AK5: variants seen among roughly 807,000 people sequenced by gnomAD.
AK5 encodes the protein adenylate kinase 5, also known as adenylate kinase isoenzyme 5.
AK5 carries 27 observed loss-of-function variants against 69.5 expected under a neutral mutation model. The observed-to-expected ratio is 0.39, with a 90% CI of 0.29 to 0.54. The LOEUF is 0.54. Ranked by LOEUF, AK5 falls within the 20% of genes least tolerant of loss-of-function variation. AK5 has a pLI of 0.71. For synonymous variants in AK5, 260 were observed against 244.4 expected, an observed-to-expected ratio of 1.06 and a Z score of -0.60; for missense variants, 531 against 700.4, an observed-to-expected ratio of 0.76 and a Z score of 2.73.
chr1:77,551,560 G>A (rs1659823779), intron 13 of AK5, among the ~76,000 whole-genome samples: 2 of 152,238 alleles, frequency 1.3e-5, no homozygotes, highest in South Asian at 4.1e-4. Flanking sequence ...TGGAAATAGA[G>A]GTGGGCAATG....
At chr1:77,542,814 C>A (rs116202774) in intron 13 of AK5, among the ~76,000 whole-genome samples, 1,792 of 152,108 alleles carry the variant, frequency 0.012, 20 homozygotes, top group Non-Finnish European at 0.017. Flanking sequence ...ACATTTTGTT[C>A]ATGGCATAAT....
rs1649452222 is a variant in AK5, at chr1:77,404,130, A to T, written c.892-6851A>T. Among the ~76,000 whole-genome samples the T allele has an allele frequency of 2.6e-5, 4 of 152,184 alleles. No individual in the cohort carries two copies. In the South Asian group the frequency reaches 8.3e-4, roughly 31 times the overall value. ...TTATTGGTGTATAAGAATGCTTGTGATTTAAAACATCACTATTTCAATTTC... is the reference window on the plus strand; with the variant it reads ...TTATTGGTGTATAAGAATGCTTGTGTTTTAAAACATCACTATTTCAATTTC... On this transcript the variant is annotated intron_variant, in intron 6 of 13. Transcript: ENST00000354567.
intron 6 of AK5, among the ~76,000 whole-genome samples, chr1:77,383,685 A>G (rs896046303): frequency 6.6e-6 from 1 of 152,182 alleles, no homozygotes; most frequent in Non-Finnish European, 1.5e-5. Flanking sequence ...AAGTTACTAC[A>G]ATTCCAATTA....
chr1:77,550,069 T>C (rs1211594486), intron 13 of AK5, among the ~76,000 whole-genome samples: 1 of 152,140 alleles, frequency 6.6e-6, no homozygotes. Flanking sequence ...CAAGCCATCG[T>C]TCACCTCAGC....
Position 77,412,206 on chromosome 1 carries a change from G to C in AK5, c.982+1135G>C, listed in dbSNP as rs946370643. Among the ~76,000 whole-genome samples, 8 of 152,270 alleles carry C rather than the reference G, an allele frequency of 5.3e-5. No homozygotes were observed. In the East Asian group the frequency reaches 1.5e-3, roughly 29 times the overall value. ...CCCAGCACTTCGTGGCTCCCTAGCG[G>C]TGTTTCTCCACTAGGGAGCCTTGTG... On this transcript the variant is annotated intron_variant, in intron 7 of 13. Coordinates refer to ENST00000354567, the MANE Select transcript of AK5 (RefSeq NM_174858.3).
At chr1:77,496,940 C>T (rs1656350924) in intron 10 of AK5, among the ~76,000 whole-genome samples, 1 of 152,216 alleles carries the variant, frequency 6.6e-6, no homozygotes, top group African/African-American at 2.4e-5. Flanking sequence ...ATGGACCAAT[C>T]AGCAGGATGT....
intron 6 of AK5, among the ~76,000 whole-genome samples, chr1:77,388,536 T>C (rs1392066878): frequency 6.6e-6 from 1 of 151,232 alleles, no homozygotes; most frequent in Non-Finnish European, 1.5e-5. Context: ...CCCAAAGCCA[T>C]GTAAAAGAAC....
In AK5 at chr1:77,411,920, G is replaced by A. The variant is rs80108603; in HGVS notation, c.982+849G>A. Among the ~76,000 whole-genome samples, 121 of 152,306 alleles carry A rather than the reference G, an allele frequency of 7.9e-4. 2 individuals are homozygous for A. The East Asian group carries it at 0.014, about 17-fold the overall frequency. ...ACAGATAACCGATGTAAACTCATCT[G>A]CCTAACTTTCTGATGAGATTTATAA... On this transcript the variant is annotated intron_variant, in intron 7 of 13. Coordinates refer to ENST00000354567, the MANE Select transcript of AK5 (RefSeq NM_174858.3).
At chr1:77,435,695 A>G (rs1339187523) in intron 8 of AK5, among the ~76,000 whole-genome samples, 1 of 152,030 alleles carries the variant, frequency 6.6e-6, no homozygotes. Flanking sequence ...GAAATTTTAC[A>G]GAATTAAAAA....
chr1:77,341,259 G>A (rs999677716), intron 6 of AK5, among the ~76,000 whole-genome samples: 1 of 152,182 alleles, frequency 6.6e-6, no homozygotes, highest in Non-Finnish European at 1.5e-5. Context: ...CTAAATTTAT[G>A]ATAATCACAG....
In AK5 at chr1:77,340,725, C is replaced by G. The variant is rs886265939; in HGVS notation, c.891+157C>G. On this transcript the variant is annotated intron_variant, in intron 6 of 13. Transcript: ENST00000354567. ...AAATGTATCATTTTGACCTGATTTGCCTTTTTAAGCCATCATGTTTTTTTA... is the reference window on the plus strand; with the variant it reads ...AAATGTATCATTTTGACCTGATTTGGCTTTTTAAGCCATCATGTTTTTTTA... The G allele has an allele frequency of 1.1e-5, 5 of 460,430 alleles. No homozygotes were observed. The Admixed American group carries it at 1.3e-4, about 12-fold the overall frequency. 28.5% of individuals were successfully genotyped at this position (460,430 alleles called of 1,614,324 possible). A position where few individuals can be genotyped will look rare whatever the true frequency, so the allele number is the denominator to read the frequency against.
chr1:77,313,717 CT>C (rs1220604206), intron 5 of AK5: 1 of 464,348 alleles, frequency 2.2e-6, no homozygotes, highest in Non-Finnish European at 4.4e-6. Flanking sequence ...TGTGGGTTTG[CT>C]TTCCGTACCC....
At chr1:77,418,067 TCTG>T (rs536169150) in intron 8 of AK5, among the ~76,000 whole-genome samples, 3 of 152,308 alleles carry the variant, frequency 2.0e-5, no homozygotes, top group South Asian at 2.1e-4. Context: ...GGTTCAGGGC[TCTG>T]CTATTTTATC....
At chr1:77,542,089 G>A (rs1659308153) in intron 13 of AK5, among the ~76,000 whole-genome samples, 1 of 152,172 alleles carries the variant, frequency 6.6e-6, no homozygotes, top group South Asian at 2.1e-4. Flanking sequence ...AGCCCTTTGG[G>A]AGGCCAAAGC....
rs542840465 is a variant in AK5, at chr1:77,450,350, A to G, written c.1059+32635A>G. On this transcript the variant is annotated intron_variant, in intron 8 of 13. Transcript: ENST00000354567. ...TATCTCTTCAGCAATGCCCCACTCT[A>G]CTGGTACCAAATTACTGTATTAGTC... Among the ~76,000 whole-genome samples, 5 of 152,086 alleles carry G rather than the reference A, an allele frequency of 3.3e-5. No homozygotes were observed. The East Asian group carries it at 9.7e-4, about 29-fold the overall frequency.
At chr1:77,300,409 G>A (rs978224395) in intron 5 of AK5, among the ~76,000 whole-genome samples, 2 of 152,182 alleles carry the variant, frequency 1.3e-5, no homozygotes, top group South Asian at 2.1e-4. Flanking sequence ...GCCACTGTGG[G>A]CAGTACAGAG....
intron 8 of AK5, among the ~76,000 whole-genome samples, chr1:77,448,790 G>T (rs1182487304): frequency 6.6e-6 from 1 of 152,228 alleles, no homozygotes; most frequent in Non-Finnish European, 1.5e-5. Flanking sequence ...CCCTGAGCCA[G>T]GGCTGTAACA....
chr1:77,310,360 C>T (rs72641173), intron 5 of AK5, among the ~76,000 whole-genome samples: 19,944 of 151,876 alleles, frequency 0.13, 1,589 homozygotes, highest in East Asian at 0.36. Flanking sequence ...AACAATCCCA[C>T]CCCTTCTGTT....
intron 8 of AK5, among the ~76,000 whole-genome samples, chr1:77,434,181 A>T (rs546773086): frequency 6.6e-5 from 10 of 151,886 alleles, no homozygotes; most frequent in Non-Finnish European, 1.0e-4. Context: ...ATAACCAGAA[A>T]TTGACAAGGA....
Sources: allele counts gnomAD v4.1 joint callset (sites outside exome capture counted in the v4.1 genomes callset), GRCh38; gene constraint gnomAD v4.1.1; transcripts MANE v1.5; gene names NCBI Gene and HGNC (gene_info 2026-07-23, HGNC 2026-07-21).